The following GGACT variants were observed in gnomAD, a reference collection of about 807,000 sequenced individuals.
GGACT encodes gamma-glutamylamine cyclotransferase.
For missense variants in GGACT, 241 were observed against 233.2 expected (o/e 1.03, Z -0.22); for synonymous variants, 118 against 115.3 (o/e 1.02, Z -0.15).
intron 2 of GGACT, among the ~76,000 whole-genome samples, chr13:100,574,055 G>A (rs1875179391): frequency 6.6e-6 from 1 of 152,130 alleles, no homozygotes; most frequent in Non-Finnish European, 1.5e-5. Flanking sequence ...AAGGAAAATA[G>A]ATCATTCTAC....
rs546604667 is a variant in GGACT at position 100,532,376 on chromosome 13, C to A, written c.216G>T (p.Glu72Asp). The stretch of plus-strand genomic sequence containing the variant: ...AGTCATCCAGAAAGCGCAGCATCCG[C>A]TCGTCTACCGCGTAGACCTCGCCCT... Reference protein sequence around the residue: ...LVEGEVYAVDERMLRFLDDFE... With the variant: ...LVEGEVYAVDDRMLRFLDDFE... Residue 72 changes from glutamate (E) to aspartate (D), a missense_variant, in exon 3 of 3, where the codon GAG becomes GAT. Transcript: ENST00000683975. 112 of 1,550,560 alleles carry A rather than the reference C, an allele frequency of 7.2e-5. No homozygotes were observed. In the African/African-American group the frequency reaches 1.4e-3, roughly 20 times the overall value.
intron 2 of GGACT, among the ~76,000 whole-genome samples, chr13:100,560,573 C>T (rs1054410652): frequency 1.3e-5 from 2 of 152,226 alleles, no homozygotes; most frequent in African/African-American, 4.8e-5. Context: ...TGTGGCCCTC[C>T]CAGGCCCTGA....
Position 100,532,618 on chromosome 13 carries a change from A to G in GGACT, c.-10-17T>C, listed in dbSNP as rs913149622. On this transcript the variant is annotated splice_polypyrimidine_tract_variant and intron_variant, in intron 2 of 2. Coordinates refer to ENST00000683975, the MANE Select transcript of GGACT (RefSeq NM_001195087.2). ...CGGGCAGAGCTGCAGGGAGAGGGGA[A>G]GTCACAGGTCAGCCCGCAGTGGGAG... 3.3e-6 allele frequency: 5 copies of G among 1,512,712 alleles called. No individual in the cohort carries two copies. The highest frequency in any genetic ancestry group is 4.5e-6 in the Non-Finnish European group (5 of 1,123,308). 93.7% of individuals were successfully genotyped at this position (1,512,712 alleles called of 1,614,324 possible). A position where few individuals can be genotyped will look rare whatever the true frequency, so the allele number is the denominator to read the frequency against.
At chr13:100,561,073 G>A (rs945500929) in intron 2 of GGACT, among the ~76,000 whole-genome samples, 10 of 152,138 alleles carry the variant, frequency 6.6e-5, no homozygotes. Context: ...CTACATTCAT[G>A]GTGAAGCTTG....
chr13:100,558,414 C>T (rs2088728593), intron 2 of GGACT, among the ~76,000 whole-genome samples: 1 of 152,182 alleles, frequency 6.6e-6, no homozygotes, highest in South Asian at 2.1e-4. Context: ...GATGGATGCT[C>T]ACTATCATTA....
At chr13:100,552,096 A>T (rs1299676326) in intron 2 of GGACT, among the ~76,000 whole-genome samples, 2 of 152,214 alleles carry the variant, frequency 1.3e-5, no homozygotes, top group African/African-American at 4.8e-5. Context: ...TCCAGGCCAG[A>T]TCTCTCAGGA....
At position 100,583,921 on chromosome 13, in the gene GGACT, A is replaced by G. The variant is rs1252793393; in HGVS notation, c.-107T>C. The G allele has an allele frequency of 6.6e-6, 1 of 152,214 alleles. No individual in the cohort carries two copies. Among genetic ancestry groups the G allele is most frequent in the Non-Finnish European group, 1.5e-5 (1 of 68,026 alleles). The allele number at this position is 152,214 out of a possible 1,614,324, so 9.4% of individuals were successfully genotyped here. On this transcript the variant is annotated 5_prime_UTR_variant, in exon 2 of 3. An upstream start codon of the reference 5' UTR is lost. Coordinates refer to ENST00000683975, the MANE Select transcript of GGACT (RefSeq NM_001195087.2). ...ACTTTTGACTTCAGAATCCTTCCACATGATTCAAGAAAAAGTTAAGTCCAC... is the reference window on the plus strand; with the variant it reads ...ACTTTTGACTTCAGAATCCTTCCACGTGATTCAAGAAAAAGTTAAGTCCAC...
chr13:100,575,152 A>G (rs1875211775), intron 2 of GGACT, among the ~76,000 whole-genome samples: 1 of 152,224 alleles, frequency 6.6e-6, no homozygotes, highest in South Asian at 2.1e-4. Flanking sequence ...TTCCAAGTAG[A>G]TGACAGGAAT....
chr13:100,550,110 C>CA (rs2088643656), intron 2 of GGACT, among the ~76,000 whole-genome samples: 1 of 152,098 alleles, frequency 6.6e-6, no homozygotes, highest in Admixed American at 6.5e-5. Context: ...ACAGCCCCTG[C>CA]ACAGAGTGGG....
intron 2 of GGACT, among the ~76,000 whole-genome samples, chr13:100,540,835 T>G (rs1387790498): frequency 1.3e-5 from 2 of 152,204 alleles, no homozygotes; most frequent in African/African-American, 4.8e-5. Context: ...AATGTGCCTG[T>G]GATTCATTCT....
chr13:100,555,729 G>A (rs1357528253), intron 2 of GGACT, among the ~76,000 whole-genome samples: 1 of 152,056 alleles, frequency 6.6e-6, no homozygotes, highest in South Asian at 2.1e-4. Context: ...AAACATAAAT[G>A]TAAGAGTCTT....
At chr13:100,544,701 T>G (rs1000222943) in intron 2 of GGACT, among the ~76,000 whole-genome samples, 1 of 152,234 alleles carries the variant, frequency 6.6e-6, no homozygotes, top group East Asian at 1.9e-4. Context: ...TCCCTTGAGT[T>G]TTTACTCTTT....
In GGACT at chr13:100,530,889, C is replaced by T. The variant is rs530206013; in HGVS notation, c.*1241G>A. 1 of 153,158 alleles carries T rather than the reference C, an allele frequency of 6.5e-6. No homozygotes were observed. The highest frequency in any genetic ancestry group is 6.5e-5 in the Admixed American group (1 of 15,434). The allele number at this position is 153,158 out of a possible 1,614,324, so 9.5% of individuals were successfully genotyped here. ...CAAGGAGCTTGGGCTGCCTCACCGC[C>T]CTCATCAAGCACAGGGCCGCCACGA... is the stretch of plus-strand genomic sequence containing the variant. On this transcript the variant is annotated 3_prime_UTR_variant, in exon 3 of 3. Transcript: ENST00000683975.
At chr13:100,580,920 T>G (rs796342205) in intron 2 of GGACT, among the ~76,000 whole-genome samples, 5 of 152,306 alleles carry the variant, frequency 3.3e-5, no homozygotes, top group African/African-American at 1.2e-4. Flanking sequence ...AGATGGCAAT[T>G]CCAACACTGT....
intron 2 of GGACT, among the ~76,000 whole-genome samples, chr13:100,540,984 A>G (rs2153012940): frequency 6.6e-6 from 1 of 152,230 alleles, no homozygotes; most frequent in Middle Eastern, 3.4e-3. Context: ...GCCCCCTCTC[A>G]CCATGCTAGT....
chr13:100,566,666 G>A (rs906901810), intron 2 of GGACT, among the ~76,000 whole-genome samples: 1 of 152,136 alleles, frequency 6.6e-6, no homozygotes, highest in African/African-American at 2.4e-5. Context: ...AGAAGTGTCT[G>A]CTCAGGGAGT....
In GGACT at chr13:100,532,366, G is replaced by A. The variant is rs1364410522; in HGVS notation, c.226C>T (p.Arg76Cys). The A allele has an allele frequency of 4.5e-6, 7 of 1,550,478 alleles. No homozygotes were observed. Among genetic ancestry groups the A allele is most frequent in the South Asian group, 2.4e-5 (2 of 84,058 alleles). Residue 76 changes from arginine (R) to cysteine (C), a missense_variant, in exon 3 of 3, where the codon CGC (arginine) becomes TGC (cysteine). Arg to Cys is a radical substitution (Grantham distance 180, BLOSUM62 -3). Transcript: ENST00000683975. ...CAACTCTCGAAGTCATCCAGAAAGC[G>A]CAGCATCCGCTCGTCTACCGCGTAG... Reference protein sequence around the residue: ...EVYAVDERMLRFLDDFESCPA... With the variant: ...EVYAVDERMLCFLDDFESCPA...
chr13:100,566,166 G>A (rs1011152322), intron 2 of GGACT, among the ~76,000 whole-genome samples: 2 of 152,210 alleles, frequency 1.3e-5, no homozygotes, highest in African/African-American at 4.8e-5. Context: ...ACAGACCCAA[G>A]TCAGAATCAC....
Position 100,532,501 on chromosome 13 carries a change from G to A in GGACT, c.91C>T (p.Arg31Trp), listed in dbSNP as rs1356818703. The A allele has an allele frequency of 3.2e-6, 5 of 1,548,660 alleles. No individual in the cohort carries two copies. The highest frequency in any genetic ancestry group is 1.4e-5 in the African/African-American group (1 of 73,014). ...GGCTCCAGCGTGCGGCCGCGCGCCC[G>A]AAAGGCTGCGGAGCCGTGGGCGCCG... ...RDGAHGSAAF[R>W]ARGRTLEPYP... Residue 31 changes from arginine to tryptophan, a missense_variant, in exon 3 of 3, where the codon CGG becomes TGG. Physicochemically the swap from Arg to Trp is moderately radical, Grantham distance 101. Transcript: ENST00000683975.
Sources: gnomAD v4.1 joint callset for allele counts (sites outside exome capture counted in the v4.1 genomes callset) on GRCh38, gnomAD v4.1.1 for gene constraint, MANE v1.5 for transcripts, NCBI Gene and HGNC (gene_info 2026-07-23, HGNC 2026-07-21) for gene names.